Variants in HNRNPK observed in about 807,000 individuals in gnomAD.
HNRNPK encodes dC-stretch binding protein.
A neutral mutation model predicts 67.0 loss-of-function variants in HNRNPK; 7 were observed. The observed-to-expected ratio is 0.10, with a 90% CI of 0.06 to 0.20. The LOEUF is 0.20. Among genes scored for constraint, HNRNPK ranks in the 10% least tolerant of loss-of-function variants. The pLI is 1.00. For missense variants in HNRNPK, 264 were observed against 606.5 expected (o/e 0.44, Z 5.93); for synonymous variants, 213 against 193.7 (o/e 1.10, Z -0.83).
At position 83,969,417 on chromosome 9, in the gene HNRNPK, TCAA is replaced by T; in HGVS notation, c.1382_1384del (p.Val461del). ...AAAAAATATCTTGCATTAGAATCCTTCAACATCTGCATACTGCTTCACACTATA... is the reference window on the plus strand; with the variant it reads ...AAAAAATATCTTGCATTAGAATCCTTCATCTGCATACTGCTTCACACTATA... On this transcript the variant is annotated inframe_deletion, in exon 17 of 17. Coordinates refer to ENST00000376263, the MANE Select transcript of HNRNPK (RefSeq NM_031263.4). 1 of 1,592,062 alleles carries T rather than the reference TCAA, an allele frequency of 6.3e-7. No homozygotes were observed. Among genetic ancestry groups the T allele is most frequent in the Non-Finnish European group, 8.6e-7 (1 of 1,163,538 alleles).
At chr9:83,980,441 T>G (rs1300904868), upstream of HNRNPK, 1 of 152,652 alleles carries the variant, frequency 6.6e-6, no homozygotes, top group African/African-American at 2.4e-5. Flanking sequence ...AAACGCAGCC[T>G]TTCAGGGAGC....
At chr9:83,975,148 C>T (rs1957020129) in intron 6 of HNRNPK, among the ~76,000 whole-genome samples, 1 of 152,080 alleles carries the variant, frequency 6.6e-6, no homozygotes, top group Non-Finnish European at 1.5e-5. Flanking sequence ...TATGAACAGG[C>T]AATGTTGGGA....
At position 83,970,423 on chromosome 9, in the gene HNRNPK, C is replaced by A. The variant is rs1024553987; in HGVS notation, c.1192-92G>T. On this transcript the variant is annotated intron_variant, in intron 15 of 16. Transcript: ENST00000376263. ...GGAGCATGAAGTTATTAATTTTATT[C>A]ATTCAGAATCTTAACTGATGATCTA... is the stretch of plus-strand genomic sequence containing the variant. The A allele has an allele frequency of 3.0e-6, 3 of 1,012,478 alleles. No homozygotes were observed. In the African/African-American group the frequency reaches 4.9e-5, roughly 16 times the overall value. 62.7% of individuals were successfully genotyped at this position (1,012,478 alleles called of 1,614,324 possible).
At chr9:83,976,528 A>C (rs746010248) in intron 5 of HNRNPK, 16 of 152,694 alleles carry the variant, frequency 1.0e-4, no homozygotes, top group Non-Finnish European at 1.9e-4. Context: ...AAATCATGCA[A>C]CCTCAACATT....
rs1956671669 is a variant in HNRNPK, at chr9:83,968,343, C to A, written c.*1064G>T. ...AACATACAACAGAGAAATGGTACAT[C>A]TTTTTCTTTCAATTTGCATACAATG... On this transcript the variant is annotated 3_prime_UTR_variant, in exon 17 of 17. Transcript: ENST00000376263. 1 of 151,956 alleles carries A rather than the reference C, an allele frequency of 6.6e-6. No homozygotes were observed. Among genetic ancestry groups the A allele is most frequent in the Non-Finnish European group, 1.5e-5 (1 of 67,946 alleles). 9.4% of individuals were successfully genotyped at this position (151,956 alleles called of 1,614,324 possible). A position where few individuals can be genotyped will look rare whatever the true frequency, so the allele number is the denominator to read the frequency against.
At chr9:83,970,686 G>A (rs760830318) in intron 15 of HNRNPK, 51 bp downstream of exon 15, 12 of 1,119,030 alleles carry the variant, frequency 1.1e-5, no homozygotes, top group South Asian at 2.6e-5. Context: ...CAGAAAGGAG[G>A]AATAATCATA....
upstream of HNRNPK, chr9:83,980,215 C>CG (rs1957327960): frequency 6.6e-6 from 1 of 152,374 alleles, no homozygotes; most frequent in African/African-American, 2.4e-5. Flanking sequence ...AGACAGAAAA[C>CG]GAGCGCAGGC....
At chr9:83,973,191 G>T in intron 9 of HNRNPK, 95 bp downstream of exon 9, 2 of 828,406 alleles carry the variant, frequency 2.4e-6, no homozygotes, top group Non-Finnish European at 4.1e-6. Flanking sequence ...TCTTTGGAGG[G>T]AACTGAGAGG....
In HNRNPK at chr9:83,970,340, A is replaced by T. The variant is rs1956767868; in HGVS notation, c.1192-9T>A. ...ATAATAGATCCAGCCAACTGAAAAGATTTTTTAAAAGTATGTGTTTACGAT... is the reference window on the plus strand; with the variant it reads ...ATAATAGATCCAGCCAACTGAAAAGTTTTTTTAAAAGTATGTGTTTACGAT... On this transcript the variant is annotated splice_polypyrimidine_tract_variant and intron_variant, in intron 15 of 16. Coordinates refer to ENST00000376263, the MANE Select transcript of HNRNPK (RefSeq NM_031263.4). 6.2e-7 allele frequency: 1 copy of T among 1,605,462 alleles called. No individual in the cohort carries two copies.
chr9:83,971,652 T>TA lies in HNRNPK; in HGVS notation c.1008+19dup, dbSNP rs749908997. On this transcript the variant is annotated intron_variant, in intron 12 of 16. Transcript: ENST00000376263. ...AACCCTCACATACCCAACACACTGGTAATAAACCAAAGTTCTTACCATGCC... is the reference window on the plus strand; with the variant it reads ...AACCCTCACATACCCAACACACTGGTAAATAAACCAAAGTTCTTACCATGCC... The TA allele has an allele frequency of 3.1e-6, 5 of 1,601,240 alleles. No individual in the cohort carries two copies. Among genetic ancestry groups the TA allele is most frequent in the Non-Finnish European group, 3.4e-6 (4 of 1,168,394 alleles).
At chr9:83,970,121 T>C (rs757106728) in intron 16 of HNRNPK, 41 bp downstream of exon 16, 2 of 1,517,344 alleles carry the variant, frequency 1.3e-6, no homozygotes, top group Admixed American at 4.0e-5. Flanking sequence ...TTTAAAGGTT[T>C]TAGTATGTAT....
At chr9:83,971,604 C>T (rs1251077493) in intron 12 of HNRNPK, 68 bp downstream of exon 12, 1 of 1,321,856 alleles carries the variant, frequency 7.6e-7, no homozygotes, top group Non-Finnish European at 1.1e-6. Context: ...TAACCTTCAA[C>T]AAAACGTGAA....
chr9:83,974,148 C>T (rs921587738), intron 7 of HNRNPK, among the ~76,000 whole-genome samples, 175 bp from the exon 8 acceptor site: 1 of 152,076 alleles, frequency 6.6e-6, no homozygotes, highest in Non-Finnish European at 1.5e-5. Context: ...TCTATATACA[C>T]CTAGTGAATT....
chr9:83,974,233 T>A (rs893642790), intron 7 of HNRNPK, among the ~76,000 whole-genome samples: 1 of 151,856 alleles, frequency 6.6e-6, no homozygotes, highest in African/African-American at 2.4e-5. Flanking sequence ...ATTCTAATTT[T>A]AAAAATCTTT....
chr9:83,971,492 A>G, intron 12 of HNRNPK, 136 bp from the exon 13 acceptor site: 2 of 802,068 alleles, frequency 2.5e-6, no homozygotes, highest in Non-Finnish European at 4.2e-6. Context: ...ATCGAGGGGA[A>G]CAAAGCTCAA....
At chr9:83,974,194 A>C (rs1002035092) in intron 7 of HNRNPK, among the ~76,000 whole-genome samples, 3 of 152,118 alleles carry the variant, frequency 2.0e-5, no homozygotes, top group African/African-American at 7.2e-5. Flanking sequence ...AATCTAACTA[A>C]TTCTCCTTTT....
rs575068026 is a variant in HNRNPK, at chr9:83,970,966, G to A, written c.1093-54C>T. 5.9e-5 allele frequency: 91 copies of A among 1,541,404 alleles called. No homozygotes were observed. In the Admixed American group the frequency reaches 1.2e-3, roughly 20 times the overall value. On this transcript the variant is annotated intron_variant, in intron 13 of 16. Transcript: ENST00000376263. ...TTACTTTGCCGTTGTAATTACTACC[G>A]GTACTTTAAAAAAATTCATTTAATA...
intron 7 of HNRNPK, 50 bp from the exon 8 acceptor site, chr9:83,974,023 G>T: frequency 1.6e-6 from 2 of 1,228,688 alleles, no homozygotes; most frequent in Non-Finnish European, 2.4e-6. Context: ...GCGTGATCAG[G>T]CTATTGTCGC....
Position 83,968,796 on chromosome 9 carries a change from T to C in HNRNPK, c.*611A>G, listed in dbSNP as rs1330056483. 2 of 152,954 alleles carry C rather than the reference T, an allele frequency of 1.3e-5. No individual in the cohort carries two copies. The highest frequency in any genetic ancestry group is 2.1e-4 in the South Asian group (1 of 4,836). The allele number at this position is 152,954 out of a possible 1,614,324, so 9.5% of individuals were successfully genotyped here. On this transcript the variant is annotated 3_prime_UTR_variant, in exon 17 of 17. Transcript: ENST00000376263. ...CTATGTCCAACAAGAGATGCACTTATATGTCCAACAGAGGAGCTGAAAATT... is the reference window on the plus strand; with the variant it reads ...CTATGTCCAACAAGAGATGCACTTACATGTCCAACAGAGGAGCTGAAAATT...
Sources: gnomAD v4.1 joint callset for allele counts (sites outside exome capture counted in the v4.1 genomes callset) on GRCh38, gnomAD v4.1.1 for gene constraint, MANE v1.5 for transcripts, NCBI Gene and HGNC (gene_info 2026-07-23, HGNC 2026-07-21) for gene names.